Variants in DMC1 observed in about 807,000 individuals in gnomAD.
The protein encoded by DMC1 is meiotic recombination protein DMC1 homolog.
A neutral mutation model predicts 50.1 loss-of-function variants in DMC1; 27 were observed. The observed-to-expected ratio is 0.54, with a 90% CI of 0.40 to 0.74. The LOEUF is 0.74. DMC1 is among the 30% of genes least tolerant of loss of function. The pLI is 0.00. For missense variants in DMC1, 295 were observed against 420.2 expected (o/e 0.70, Z 2.60); for synonymous variants, 148 against 136.1 (o/e 1.09, Z -0.61).
At chr22:38,559,296 G>A (rs920934962) in intron 5 of DMC1, among the ~76,000 whole-genome samples, 2 of 152,062 alleles carry the variant, frequency 1.3e-5, no homozygotes, top group South Asian at 2.1e-4. Flanking sequence ...CTCCCAAAAC[G>A]CTGGGATTAA....
intron 4 of DMC1, among the ~76,000 whole-genome samples, chr22:38,565,404 C>A (rs1471025830): frequency 2.0e-5 from 3 of 152,220 alleles, no homozygotes; most frequent in Non-Finnish European, 2.9e-5. Flanking sequence ...ATGGCAACAC[C>A]TGGAAGTTAC....
At chr22:38,567,875 G>C (rs932801664) in intron 2 of DMC1, among the ~76,000 whole-genome samples, 4 of 152,266 alleles carry the variant, frequency 2.6e-5, no homozygotes, top group Admixed American at 2.6e-4. Context: ...CAAAGGACTG[G>C]AACAACATTT....
intron 4 of DMC1, among the ~76,000 whole-genome samples, chr22:38,563,090 TAAAGCAGAGGGTATTTTACTAAC>T (rs2090546112): frequency 6.6e-6 from 1 of 152,190 alleles, no homozygotes; most frequent in Non-Finnish European, 1.5e-5. Flanking sequence ...AATTATGGCA[TAAAGCAGAGGGTATTTTACTAAC>T]AATTCACTTT....
intron 8 of DMC1, among the ~76,000 whole-genome samples, chr22:38,547,571 C>G (rs1470225977): frequency 6.6e-6 from 1 of 151,486 alleles, no homozygotes; most frequent in African/African-American, 2.4e-5. Context: ...ACGGAGTTTC[C>G]CTCTTGTTGC....
At chr22:38,550,050 A>G in intron 7 of DMC1, 53 bp from the exon 8 acceptor site, 1 of 1,297,984 alleles carries the variant, frequency 7.7e-7, no homozygotes. Context: ...CTTTGTACAC[A>G]TGACTATATA....
chr22:38,509,666 T>G, the DMC1 span, among the ~76,000 whole-genome samples: 1,071 of 151,992 alleles, frequency 7.0e-3, 9 homozygotes, highest in Non-Finnish European at 0.011. Context: ...ATGTAGCTTT[T>G]TTTGTTTTTT....
At chr22:38,538,721 T>C in intron 9 of DMC1, 109 bp from the exon 10 acceptor site, 2 of 961,862 alleles carry the variant, frequency 2.1e-6, no homozygotes, top group Non-Finnish European at 3.4e-6. Flanking sequence ...AGGATTTTCT[T>C]AATTATTGAT....
At chr22:38,552,528 G>T in intron 7 of DMC1, 138 bp downstream of exon 7, 1 of 713,588 alleles carries the variant, frequency 1.4e-6, no homozygotes, top group Non-Finnish European at 2.5e-6. Context: ...ACCACGGGCA[G>T]TTTACTTAAT....
intron 12 of DMC1, among the ~76,000 whole-genome samples, chr22:38,532,508 G>A (rs1480878177): frequency 6.6e-6 from 1 of 151,594 alleles, no homozygotes; most frequent in Non-Finnish European, 1.5e-5. Flanking sequence ...TTTTAGTAGA[G>A]ACAGGGTTTC....
intron 13 of DMC1, among the ~76,000 whole-genome samples, chr22:38,520,358 A>G (rs2090010934): frequency 6.6e-6 from 1 of 151,598 alleles, no homozygotes; most frequent in African/African-American, 2.4e-5. Flanking sequence ...ATGTTCTTTC[A>G]TTTATTTATT....
At chr22:38,554,956 C>T (rs931042955) in intron 6 of DMC1, among the ~76,000 whole-genome samples, 1 of 151,946 alleles carries the variant, frequency 6.6e-6, no homozygotes, top group Non-Finnish European at 1.5e-5. Flanking sequence ...TGGTGGCAGG[C>T]GCCTGTAGTC....
intron 5 of DMC1, among the ~76,000 whole-genome samples, chr22:38,560,969 C>T (rs2090521130): frequency 6.6e-6 from 1 of 151,994 alleles, no homozygotes; most frequent in African/African-American, 2.4e-5. Flanking sequence ...CAACCATATT[C>T]CCACTATCAC....
In DMC1 at chr22:38,552,642, G is replaced by T. The variant is rs537564480; in HGVS notation, c.421+24C>A. ...ATAAGTAATAGCCATGATTATTATT[G>T]TTATTGTTGTTATATATCCTTACCA... On this transcript the variant is annotated intron_variant, in intron 7 of 13. Coordinates refer to ENST00000216024, the MANE Select transcript of DMC1 (RefSeq NM_007068.4). 1.2e-5 allele frequency: 18 copies of T among 1,496,812 alleles called. No individual in the cohort carries two copies. In the Admixed American group the frequency reaches 1.5e-4, roughly 13 times the overall value. 92.7% of individuals were successfully genotyped at this position (1,496,812 alleles called of 1,614,324 possible). A position where few individuals can be genotyped will look rare whatever the true frequency, so the allele number is the denominator to read the frequency against.
At chr22:38,542,832 C>T (rs1309949963) in intron 8 of DMC1, among the ~76,000 whole-genome samples, 1 of 152,112 alleles carries the variant, frequency 6.6e-6, no homozygotes, top group Non-Finnish European at 1.5e-5. Flanking sequence ...TCCAAAACAG[C>T]ACGGTATGGG....
intron 8 of DMC1, chr22:38,549,624 A>G (rs1320056454): frequency 8.0e-6 from 2 of 249,080 alleles, no homozygotes; most frequent in African/African-American, 4.6e-5. Flanking sequence ...TCCGTCTCAA[A>G]AAAAAAAAAA....
At chr22:38,523,297 A>G (rs2090050026) in intron 12 of DMC1, among the ~76,000 whole-genome samples, 1 of 152,200 alleles carries the variant, frequency 6.6e-6, no homozygotes, top group African/African-American at 2.4e-5. Flanking sequence ...AAATAGCTAG[A>G]TAAGTGAGTT....
the DMC1 span, among the ~76,000 whole-genome samples, chr22:38,513,495 GT>G: frequency 6.6e-6 from 1 of 152,216 alleles, no homozygotes; most frequent in Non-Finnish European, 1.5e-5. Context: ...CACACTTGGT[GT>G]CTAAGGCCCA....
intron 5 of DMC1, among the ~76,000 whole-genome samples, chr22:38,557,744 A>T (rs2090482320): frequency 6.6e-6 from 1 of 152,064 alleles, no homozygotes; most frequent in Non-Finnish European, 1.5e-5. Context: ...TTAACGTTTA[A>T]GATAATTTGA....
the DMC1 span, among the ~76,000 whole-genome samples, chr22:38,509,229 G>A: frequency 3.9e-5 from 6 of 151,950 alleles, no homozygotes; most frequent in Admixed American, 3.3e-4. Flanking sequence ...AAGAAAACGT[G>A]TGTCATGGTG....
Sources: allele counts gnomAD v4.1 joint callset (sites outside exome capture counted in the v4.1 genomes callset), GRCh38; gene constraint gnomAD v4.1.1; transcripts MANE v1.5; gene names NCBI Gene and HGNC (gene_info 2026-07-23, HGNC 2026-07-21).